The following NCOA7 variants were observed in gnomAD, a reference collection of about 807,000 sequenced individuals.
NCOA7 encodes 140 kDa estrogen receptor-associated protein.
Under a neutral mutation model 104.3 loss-of-function variants are expected in NCOA7, and 45 were observed. That is an observed-to-expected ratio of 0.43 (90% CI 0.34 to 0.55). The LOEUF is 0.55. Among genes scored for constraint, NCOA7 ranks in the 20% least tolerant of loss-of-function variants. The pLI is 0.02. For synonymous variants in NCOA7, 398 were observed against 402.3 expected (o/e 0.99, Z 0.13); for missense variants, 1,041 against 1,119.7 (o/e 0.93, Z 1.00).
chr6:125,854,944 G>A (rs1781426417), intron 2 of NCOA7, 76 bp from the exon 3 acceptor site: 1 of 952,388 alleles, frequency 1.0e-6, no homozygotes, highest in East Asian at 2.4e-5. Flanking sequence ...TCAAAGTCCA[G>A]CAGCGTGAAA....
chr6:125,826,096 C>T lies in NCOA7; in HGVS notation c.50+10692C>T, dbSNP rs577929724. Reference sequence around the variant, plus strand: ...ATCCTAGCACTTTGGGAGGCCAAGGCGGGTGTATTGCCTGACCTCAGGAGT... The same window carrying T: ...ATCCTAGCACTTTGGGAGGCCAAGGTGGGTGTATTGCCTGACCTCAGGAGT... On this transcript the variant is annotated intron_variant, in intron 2 of 15. Transcript: ENST00000392477. Among the ~76,000 whole-genome samples the T allele has an allele frequency of 7.2e-5, 11 of 152,172 alleles. No individual in the cohort carries two copies. The East Asian group carries it at 1.5e-3, about 21-fold the overall frequency.
chr6:125,882,532 G>C lies in NCOA7; in HGVS notation c.680G>C (p.Arg227Pro). 1 of 1,612,860 alleles carries C rather than the reference G, an allele frequency of 6.2e-7. No homozygotes were observed. Among genetic ancestry groups the C allele is most frequent in the South Asian group, 1.1e-5 (1 of 90,878 alleles). ...GTGAAATTTTTAAAAATGAATTGTCGATACTTCACCGATGGAAAGGTATAT... is the reference window on the plus strand; with the variant it reads ...GTGAAATTTTTAAAAATGAATTGTCCATACTTCACCGATGGAAAGGTATAT... Reference protein sequence around the residue: ...GVVKFLKMNCRYFTDGKGVVG... With the variant: ...GVVKFLKMNCPYFTDGKGVVG... The change falls in exon 7 of 16, where the codon CGA becomes CCA. Residue 227 changes from arginine (R) to proline (P), a missense_variant. Arg to Pro is a moderately radical substitution (Grantham distance 103, BLOSUM62 -2). Coordinates refer to ENST00000392477, the MANE Select transcript of NCOA7 (RefSeq NM_181782.5).
chr6:125,817,609 T>A (rs1247484330), intron 2 of NCOA7, among the ~76,000 whole-genome samples: 1 of 152,244 alleles, frequency 6.6e-6, no homozygotes, highest in Non-Finnish European at 1.5e-5. Context: ...CATTTTCTAA[T>A]TGAATTGTTT....
At chr6:125,859,302 G>C (rs1172697262) in intron 3 of NCOA7, among the ~76,000 whole-genome samples, 1 of 151,978 alleles carries the variant, frequency 6.6e-6, no homozygotes, top group African/African-American at 2.4e-5. Context: ...AGAAGATAAT[G>C]AATTTGTTTG....
chr6:125,800,584 A>G (rs566936519), intron 1 of NCOA7, among the ~76,000 whole-genome samples: 22 of 152,376 alleles, frequency 1.4e-4, no homozygotes, highest in African/African-American at 5.3e-4. Flanking sequence ...TATTAAACAT[A>G]AATTCTGTGT....
intron 1 of NCOA7, among the ~76,000 whole-genome samples, chr6:125,784,562 A>T (rs1774371742): frequency 6.6e-6 from 1 of 152,258 alleles, no homozygotes; most frequent in African/African-American, 2.4e-5. Flanking sequence ...ATGAAAACTT[A>T]TGTTCACATA....
intron 10 of NCOA7, among the ~76,000 whole-genome samples, chr6:125,901,534 A>T (rs1330836103): frequency 1.3e-5 from 2 of 152,198 alleles, no homozygotes; most frequent in African/African-American, 4.8e-5. Flanking sequence ...GTGAGTGGGT[A>T]CAGGAGCTGG....
At chr6:125,827,922 T>A (rs654130) in intron 2 of NCOA7, among the ~76,000 whole-genome samples, 115,219 of 152,210 alleles carry the variant, frequency 0.76, 44,212 homozygotes, top group South Asian at 0.87. Flanking sequence ...GGTGCCATTA[T>A]CTGGAATGGG....
chr6:125,914,658 A>G (rs1054481778), intron 10 of NCOA7, among the ~76,000 whole-genome samples: 1 of 152,106 alleles, frequency 6.6e-6, no homozygotes, highest in Non-Finnish European at 1.5e-5. Flanking sequence ...ACCTTGGAGG[A>G]TATTTCAGGA....
At chr6:125,844,611 A>G (rs1780440238) in intron 2 of NCOA7, among the ~76,000 whole-genome samples, 1 of 152,238 alleles carries the variant, frequency 6.6e-6, no homozygotes, top group Admixed American at 6.5e-5. Flanking sequence ...ATGGAAAACT[A>G]TGAAATGACA....
intron 1 of NCOA7, among the ~76,000 whole-genome samples, chr6:125,799,641 C>A (rs1775701667): frequency 6.6e-6 from 1 of 152,044 alleles, no homozygotes; most frequent in Non-Finnish European, 1.5e-5. Flanking sequence ...GGGGTTTCAC[C>A]TGGTTGGTCA....
At chr6:125,849,361 T>A (rs1161748722) in intron 2 of NCOA7, among the ~76,000 whole-genome samples, 2 of 152,212 alleles carry the variant, frequency 1.3e-5, no homozygotes, top group Non-Finnish European at 2.9e-5. Context: ...CTCTTTAATA[T>A]TCCTTTATGG....
At chr6:125,892,742 A>G (rs1784720932) in intron 10 of NCOA7, among the ~76,000 whole-genome samples, 1 of 152,212 alleles carries the variant, frequency 6.6e-6, no homozygotes, top group African/African-American at 2.4e-5. Flanking sequence ...TGTATTTTAT[A>G]GTGTCCATTA....
chr6:125,789,657 A>C (rs769574545), upstream of NCOA7, among the ~76,000 whole-genome samples: 10 of 152,238 alleles, frequency 6.6e-5, no homozygotes, highest in Non-Finnish European at 1.0e-4. Context: ...CTAAATTAAT[A>C]CGTGCTTAGT....
chr6:125,856,380 T>A (rs931746992), intron 3 of NCOA7, among the ~76,000 whole-genome samples: 2 of 151,670 alleles, frequency 1.3e-5, no homozygotes, highest in African/African-American at 4.8e-5. Context: ...TGAGACAGAG[T>A]CTCGCTCTGT....
chr6:125,794,147 C>T (rs746526362), intron 1 of NCOA7, among the ~76,000 whole-genome samples: 2 of 152,172 alleles, frequency 1.3e-5, no homozygotes, highest in African/African-American at 2.4e-5. Context: ...AGGAAACTTA[C>T]TATTATGTTA....
chr6:125,905,880 AAC>A (rs773327738), intron 10 of NCOA7, among the ~76,000 whole-genome samples: 5 of 152,092 alleles, frequency 3.3e-5, no homozygotes, highest in Non-Finnish European at 7.4e-5. Flanking sequence ...GACTGACTAC[AAC>A]CTCCGCCTCC....
Position 125,889,101 on chromosome 6 carries a change from A to G in NCOA7, c.1047A>G (p.Val349=), listed in dbSNP as rs761684578. The change falls in exon 9 of 16, where the codon GTA becomes GTG. Residue 349 remains valine, a synonymous_variant. Transcript: ENST00000392477. ...KIMTSDSRPI[V]PLEKSTGHTP... is the part of the protein sequence containing the mutation. ...TGACTTCGGATTCCAGACCAATAGT[A>G]CCTTTGGAGAAGTCCACAGGACATA... 1 of 1,613,998 alleles carries G rather than the reference A, an allele frequency of 6.2e-7. No individual in the cohort carries two copies. The highest frequency in any genetic ancestry group is 1.3e-5 in the African/African-American group (1 of 74,914).
At position 125,889,478 on chromosome 6, in the gene NCOA7, A is replaced by G. The variant is rs1289779619; in HGVS notation, c.1424A>G (p.Asp475Gly). 6 of 1,614,022 alleles carry G rather than the reference A, an allele frequency of 3.7e-6. No individual in the cohort carries two copies. The highest frequency in any genetic ancestry group is 5.1e-6 in the Non-Finnish European group (6 of 1,180,022). The change falls in exon 9 of 16, where the codon GAT becomes GGT. Residue 475 changes from aspartate (D) to glycine (G), a missense_variant. Asp to Gly is a moderately conservative substitution (Grantham distance 94). Transcript: ENST00000392477. ...SALAFLGTEN[D>G]VELKGALDLE... is the part of the protein sequence containing the mutation. ...CTAGCCTTTTTGGGAACAGAGAATGATGTTGAACTGAAGGGGGCGCTAGAT... is the reference window on the plus strand; with the variant it reads ...CTAGCCTTTTTGGGAACAGAGAATGGTGTTGAACTGAAGGGGGCGCTAGAT...
Sources: allele counts gnomAD v4.1 joint callset (sites outside exome capture counted in the v4.1 genomes callset), GRCh38; gene constraint gnomAD v4.1.1; transcripts MANE v1.5; gene names NCBI Gene and HGNC (gene_info 2026-07-23, HGNC 2026-07-21).